The following ZC3H14 variants were observed in gnomAD, a reference collection of about 807,000 sequenced individuals.
ZC3H14 encodes zinc finger CCCH-type containing 14, also known as zinc finger CCCH domain-containing protein 14.
In ZC3H14, 31 loss-of-function variants were observed where a neutral mutation model predicts 92.4. That is an observed-to-expected ratio of 0.34 (90% CI 0.25 to 0.45). The LOEUF (loss-of-function observed/expected upper bound fraction) is 0.45, where lower values mean the gene tolerates loss of function less well. Among genes scored for constraint, ZC3H14 ranks in the 20% least tolerant of loss-of-function variants. ZC3H14 has a pLI of 1.00. For synonymous variants in ZC3H14, 321 were observed against 300.9 expected (o/e 1.07, Z -0.69); for missense variants, 781 against 897.3 (o/e 0.87, Z 1.66).
chr14:88,614,676 A>G lies in ZC3H14; in HGVS notation c.*2925A>G, dbSNP rs1390776189. On this transcript the variant is annotated 3_prime_UTR_variant, in exon 17 of 17. Coordinates refer to ENST00000251038, the MANE Select transcript of ZC3H14 (RefSeq NM_024824.5). ...TCAGGAAACTACAGATAGGCTAGAC[A>G]GCGAATTCCTGAATGATGAGTAGTG... 2.0e-5 allele frequency: 3 copies of G among 152,244 alleles called. No individual in the cohort carries two copies. The highest frequency in any genetic ancestry group is 1.5e-5 in the Non-Finnish European group (1 of 68,032). The allele number at this position is 152,244 out of a possible 1,614,324, so 9.4% of individuals were successfully genotyped here.
chr14:88,596,087 T>C (rs2083783196), intron 9 of ZC3H14, among the ~76,000 whole-genome samples: 1 of 152,226 alleles, frequency 6.6e-6, no homozygotes, highest in Admixed American at 6.5e-5. Flanking sequence ...ATAGTGAACC[T>C]AATAGGAATT....
chr14:88,609,412 GTGAC>G lies in ZC3H14; in HGVS notation c.2005+12_2005+15del, dbSNP rs753463561. 1.4e-4 allele frequency: 233 copies of G among 1,613,854 alleles called. No individual in the cohort carries two copies. Among genetic ancestry groups the G allele is most frequent in the Admixed American group, 2.7e-4 (16 of 59,992 alleles). ...ACTGTCTCCAAAACCAGGTGAGTGA[GTGAC>G]TGTGCTACTACATTTGGGTAAAAAA... is the stretch of plus-strand genomic sequence containing the variant. On this transcript the variant is annotated intron_variant, in intron 14 of 16. Coordinates refer to ENST00000251038, the MANE Select transcript of ZC3H14 (RefSeq NM_024824.5).
In ZC3H14 at chr14:88,578,152, AATG is replaced by A; in HGVS notation, c.1279+16_1279+18del. The A allele has an allele frequency of 1.2e-6, 2 of 1,613,860 alleles. No homozygotes were observed. Among genetic ancestry groups the A allele is most frequent in the East Asian group, 4.5e-5 (2 of 44,860 alleles). ...AGAAAAAAATCAAGGTAATAACTTA[AATG>A]ATGTTTCACTCTTTACTACAGTTTT... is the stretch of plus-strand genomic sequence containing the variant. On this transcript the variant is annotated intron_variant, in intron 9 of 16. Coordinates refer to ENST00000251038, the MANE Select transcript of ZC3H14 (RefSeq NM_024824.5).
At chr14:88,584,165 A>G (rs1002903906) in intron 9 of ZC3H14, among the ~76,000 whole-genome samples, 65 of 152,128 alleles carry the variant, frequency 4.3e-4, no homozygotes, top group African/African-American at 1.4e-3. Flanking sequence ...CTTTGTTTTC[A>G]GTTTTCTCTC....
chr14:88,578,274 T>C (rs1355179612), intron 9 of ZC3H14, 134 bp downstream of exon 9: 19 of 1,313,108 alleles, frequency 1.4e-5, no homozygotes, highest in Non-Finnish European at 1.8e-5. Flanking sequence ...ATGAGAAGAA[T>C]ACCATGAGGA....
chr14:88,607,309 C>T lies in ZC3H14; in HGVS notation c.1814C>T (p.Pro605Leu). The part of the protein sequence containing the change: ...EKLLERCKYW[P>L]ACKNGDECAY... ...CTTTTGGAGCGCTGCAAGTACTGGC[C>T]TGCTTGTAAAAATGGGGATGAGTGT... Residue 605 changes from proline (P) to leucine (L), a missense_variant, in exon 13 of 17, where the codon CCT (proline) becomes CTT (leucine). By Grantham distance (98) the Pro-to-Leu change is moderately conservative (BLOSUM62 -3). This residue lies in a region of ZC3H14 where 221 missense variants were observed against 304.7 expected (regional missense o/e 0.73). Coordinates refer to ENST00000251038, the MANE Select transcript of ZC3H14 (RefSeq NM_024824.5). The T allele has an allele frequency of 1.2e-6, 2 of 1,613,964 alleles. No homozygotes were observed. The highest frequency in any genetic ancestry group is 1.7e-6 in the Non-Finnish European group (2 of 1,179,966).
At chr14:88,580,350 C>A (rs118148028) in intron 9 of ZC3H14, among the ~76,000 whole-genome samples, 1 of 152,000 alleles carries the variant, frequency 6.6e-6, no homozygotes, top group Non-Finnish European at 1.5e-5. Flanking sequence ...AGAATTAGTG[C>A]GTCTTAATAA....
intron 3 of ZC3H14, among the ~76,000 whole-genome samples, chr14:88,569,042 T>G (rs2080063637): frequency 6.6e-6 from 1 of 152,112 alleles, no homozygotes; most frequent in African/African-American, 2.4e-5. Flanking sequence ...AATTTTTAAA[T>G]TTTTTGTTCA....
In ZC3H14 at chr14:88,625,295, G is replaced by T. The variant is rs1167978140; in HGVS notation, c.*13544G>T. On this transcript the variant is annotated 3_prime_UTR_variant, in exon 17 of 17. Coordinates refer to ENST00000251038, the MANE Select transcript of ZC3H14 (RefSeq NM_024824.5). ...ACGAGTCAGGAAACCTGAACGGGAG[G>T]CTTAGCTTTGTCAGGACCTTTTCCT... The T allele has an allele frequency of 7.3e-6, 5 of 681,050 alleles. No individual in the cohort carries two copies. In the East Asian group the frequency reaches 1.5e-4, roughly 20 times the overall value. 42.2% of individuals were successfully genotyped at this position (681,050 alleles called of 1,614,324 possible).
At position 88,616,890 on chromosome 14, in the gene ZC3H14, G is replaced by A. The variant is rs1293096917; in HGVS notation, c.*5139G>A. 2 of 1,610,374 alleles carry A rather than the reference G, an allele frequency of 1.2e-6. No homozygotes were observed. On this transcript the variant is annotated 3_prime_UTR_variant, in exon 17 of 17. Transcript: ENST00000251038. ...TCATCTCCTAGAATACTAGAGGGAA[G>A]GAACAAAAGAAAACTCATCATGGCA...
At chr14:88,601,470 C>T (rs924259127) in intron 10 of ZC3H14, among the ~76,000 whole-genome samples, 3 of 152,128 alleles carry the variant, frequency 2.0e-5, no homozygotes, top group African/African-American at 7.2e-5. Context: ...GAAATTATAC[C>T]ACTTGAATTC....
chr14:88,578,752 G>A (rs990637427), intron 9 of ZC3H14, among the ~76,000 whole-genome samples: 11 of 137,518 alleles, frequency 8.0e-5, no homozygotes, highest in Admixed American at 2.2e-4. Flanking sequence ...TTATCCCCTC[G>A]TGCCTAACAT....
At chr14:88,604,599 G>GT (rs11446275) in intron 12 of ZC3H14, among the ~76,000 whole-genome samples, 84,988 of 142,604 alleles carry the variant, frequency 0.6, 26,529 homozygotes, top group Non-Finnish European at 0.72. Context: ...TGCTTTCTTT[G>GT]TTTTTTTTTT....
Position 88,563,752 on chromosome 14 carries a change from T to C in ZC3H14, c.79+59T>C, listed in dbSNP as rs986620257. ...TTTAGAGTTTGCAGCTAATAGAATT[T>C]TAGTGAATGCGTATTTCTCACCGTA... On this transcript the variant is annotated intron_variant, in intron 2 of 16. Coordinates refer to ENST00000251038, the MANE Select transcript of ZC3H14 (RefSeq NM_024824.5). 3.4e-6 allele frequency: 5 copies of C among 1,491,954 alleles called. No individual in the cohort carries two copies. The African/African-American group carries it at 5.5e-5, about 16-fold the overall frequency. 92.4% of individuals were successfully genotyped at this position (1,491,954 alleles called of 1,614,324 possible).
In ZC3H14 at chr14:88,614,244, T is replaced by C. The variant is rs1390485951; in HGVS notation, c.*2493T>C. The stretch of plus-strand genomic sequence containing the variant: ...AATTTATTGACTGACTGTAAATACA[T>C]GAGTAGAAACTTAATAGTCATGTAT... On this transcript the variant is annotated 3_prime_UTR_variant, in exon 17 of 17. Transcript: ENST00000251038. 6.6e-6 allele frequency: 1 copy of C among 152,204 alleles called. No individual in the cohort carries two copies. The highest frequency in any genetic ancestry group is 1.5e-5 in the Non-Finnish European group (1 of 68,026). The allele number at this position is 152,204 out of a possible 1,614,324, so 9.4% of individuals were successfully genotyped here. A position where few individuals can be genotyped will look rare whatever the true frequency, so the allele number is the denominator to read the frequency against.
Position 88,572,052 on chromosome 14 carries a change from T to C in ZC3H14, c.258T>C (p.Ser86=), listed in dbSNP as rs1485399234. 5 of 1,613,960 alleles carry C rather than the reference T, an allele frequency of 3.1e-6. No individual in the cohort carries two copies. The African/African-American group carries it at 4.0e-5, about 13-fold the overall frequency. Residue 86 remains serine (S), a synonymous_variant, in exon 5 of 17, where the codon TCT becomes TCC. Transcript: ENST00000251038. ...VTTEPSSLKS[S]DTNIFDSNVP... is the part of the protein sequence containing the mutation. ...CAGAACCCTCTAGTCTGAAGTCTTCTGATACCAACATCTTTGATAGTAACG... is the reference window on the plus strand; with the variant it reads ...CAGAACCCTCTAGTCTGAAGTCTTCCGATACCAACATCTTTGATAGTAACG...
At chr14:88,600,653 T>A (rs922358404) in intron 10 of ZC3H14, among the ~76,000 whole-genome samples, 8 of 152,098 alleles carry the variant, frequency 5.3e-5, no homozygotes, top group African/African-American at 1.9e-4. Flanking sequence ...GGTCTCACTA[T>A]GTTGCCTAGG....
chr14:88,585,664 A>G (rs1178242294), intron 9 of ZC3H14, among the ~76,000 whole-genome samples: 1 of 152,162 alleles, frequency 6.6e-6, no homozygotes, highest in Non-Finnish European at 1.5e-5. Context: ...TGTTGGGATT[A>G]TAGGTGTGAG....
In ZC3H14 at chr14:88,616,155, C is replaced by A; in HGVS notation, c.*4404C>A. The A allele has an allele frequency of 6.2e-7, 1 of 1,613,880 alleles. No homozygotes were observed. The highest frequency in any genetic ancestry group is 1.1e-5 in the South Asian group (1 of 91,082). ...AAAGTTACTAACCTGCAGTCATCACCTCCAGCACTAACAACATGTCGATCA... is the reference window on the plus strand; with the variant it reads ...AAAGTTACTAACCTGCAGTCATCACATCCAGCACTAACAACATGTCGATCA... On this transcript the variant is annotated 3_prime_UTR_variant, in exon 17 of 17. Coordinates refer to ENST00000251038, the MANE Select transcript of ZC3H14 (RefSeq NM_024824.5).
Sources: gnomAD v4.1 joint callset for allele counts (sites outside exome capture counted in the v4.1 genomes callset) on GRCh38, gnomAD v4.1.1 for gene constraint, gnomAD v4.1.1 regional missense constraint, MANE v1.5 for transcripts, NCBI Gene and HGNC (gene_info 2026-07-23, HGNC 2026-07-21) for gene names.